Variants in KATNAL2 observed in about 807,000 individuals in gnomAD.
KATNAL2 encodes the protein katanin catalytic subunit A1 like 2.
In KATNAL2, 52 loss-of-function variants were observed where a neutral mutation model predicts 76.3. That is an observed-to-expected ratio of 0.68 (90% CI 0.55 to 0.86). The LOEUF is 0.86. Among genes scored for constraint, KATNAL2 ranks in the 40% least tolerant of loss-of-function variants. The pLI is 0.00. For missense variants in KATNAL2, 660 were observed against 668.9 expected (o/e 0.99, Z 0.15); for synonymous variants, 243 against 244.2 (o/e 1.00, Z 0.05).
At chr18:47,080,853 A>C (rs1485867788) in intron 15 of KATNAL2, among the ~76,000 whole-genome samples, 4 of 152,162 alleles carry the variant, frequency 2.6e-5, no homozygotes, top group Admixed American at 2.6e-4. Flanking sequence ...GTCTTTTCAA[A>C]TCCTTTGTCC....
intron 3 of KATNAL2, chr18:47,034,156 A>G (rs111815744): frequency 5.6e-6 from 9 of 1,613,960 alleles, no homozygotes; most frequent in African/African-American, 2.7e-5. Context: ...AGCCATATCT[A>G]CCTCCTCCAC....
intron 14 of KATNAL2, 32 bp downstream of exon 14, chr18:47,075,400 T>C (rs2062167817): frequency 7.0e-7 from 1 of 1,424,444 alleles, no homozygotes; most frequent in South Asian, 1.7e-5. Context: ...TTTGTTGTTG[T>C]TGTTTTTTGT....
intron 3 of KATNAL2, among the ~76,000 whole-genome samples, chr18:46,960,508 C>A (rs183005096): frequency 6.6e-6 from 1 of 151,430 alleles, no homozygotes; most frequent in Non-Finnish European, 1.5e-5. Context: ...TTGCTTAGAA[C>A]TGGGAGGGAA....
intron 9 of KATNAL2, 97 bp downstream of exon 9, chr18:47,063,167 G>T: frequency 6.9e-7 from 1 of 1,442,260 alleles, no homozygotes; most frequent in Non-Finnish European, 9.7e-7. Context: ...TTGAGATCAA[G>T]TTAAAGGCCA....
chr18:47,031,019 C>G (rs867208657), intron 3 of KATNAL2, among the ~76,000 whole-genome samples: 2 of 30,788 alleles, frequency 6.5e-5, no homozygotes, highest in Admixed American at 3.6e-4. Flanking sequence ...ATCTCCCCCC[C>G]CCCCCCCCGC....
intron 8 of KATNAL2, among the ~76,000 whole-genome samples, chr18:47,060,360 AG>A (rs1254312314): frequency 6.6e-6 from 1 of 152,146 alleles, no homozygotes; most frequent in Non-Finnish European, 1.5e-5. Flanking sequence ...TTCTCCTTGG[AG>A]GGATGGCTCC....
intron 4 of KATNAL2, among the ~76,000 whole-genome samples, chr18:47,051,329 G>A (rs968849381): frequency 6.6e-6 from 1 of 152,048 alleles, no homozygotes; most frequent in Admixed American, 6.5e-5. Context: ...TACTTGAAAG[G>A]CTGAGGTGGG....
At position 47,054,087 on chromosome 18, in the gene KATNAL2, G is replaced by A. The variant is rs560432954; in HGVS notation, c.290-309G>A. ...AAAATGGTGTCAAGTTCATGAAAGC[G>A]TAATGAAATGGTAGCTGTAAAGCTA... On this transcript the variant is annotated intron_variant, in intron 5 of 17. Coordinates refer to ENST00000683218, the MANE Select transcript of KATNAL2 (RefSeq NM_001387690.1). 2.4e-4 allele frequency among the ~76,000 whole-genome samples: 36 copies of A among 152,328 alleles called. No homozygotes were observed. In the East Asian group the frequency reaches 3.5e-3, roughly 15 times the overall value.
intron 3 of KATNAL2, among the ~76,000 whole-genome samples, chr18:46,948,612 G>T (rs534289870): frequency 1.3e-5 from 2 of 151,996 alleles, no homozygotes; most frequent in Non-Finnish European, 2.9e-5. Flanking sequence ...TGTTTTAGTA[G>T]AGATGGGGTT....
chr18:46,946,599 A>C, intron 2 of KATNAL2, 53 bp downstream of exon 2: 1 of 979,832 alleles, frequency 1.0e-6, no homozygotes, highest in Non-Finnish European at 1.2e-6. Context: ...GAAAACCAAA[A>C]CAATTGCAAA....
chr18:46,944,388 C>T (rs1171639405), intron 1 of KATNAL2, among the ~76,000 whole-genome samples: 2 of 152,022 alleles, frequency 1.3e-5, no homozygotes, highest in Admixed American at 1.3e-4. Flanking sequence ...AGTATTAACA[C>T]AGAGTTTACA....
chr18:47,055,682 T>A (rs575675696), intron 6 of KATNAL2, among the ~76,000 whole-genome samples: 2 of 152,252 alleles, frequency 1.3e-5, no homozygotes, highest in Non-Finnish European at 2.9e-5. Flanking sequence ...TAATAAATGA[T>A]AACTGCTTGT....
At chr18:46,926,942 A>G (rs1188812300) in intron 1 of KATNAL2, among the ~76,000 whole-genome samples, 1 of 152,032 alleles carries the variant, frequency 6.6e-6, no homozygotes, top group Non-Finnish European at 1.5e-5. Context: ...TGCTTGGTAG[A>G]TCTTCCTCCA....
chr18:46,962,355 T>C (rs1169818074), intron 3 of KATNAL2, among the ~76,000 whole-genome samples: 8 of 104,982 alleles, frequency 7.6e-5, no homozygotes, highest in Non-Finnish European at 1.1e-4. Flanking sequence ...GTCGGAGTTA[T>C]CAGTGTCAAC....
intron 1 of KATNAL2, among the ~76,000 whole-genome samples, chr18:46,937,629 G>C (rs765693243): frequency 2.6e-5 from 4 of 152,024 alleles, no homozygotes; most frequent in African/African-American, 4.8e-5. Flanking sequence ...TATCATTTCT[G>C]AGTTCTATGA....
chr18:46,920,120 G>C, intron 1 of KATNAL2: 2 of 1,287,036 alleles, frequency 1.6e-6, no homozygotes, highest in Non-Finnish European at 2.0e-6. Flanking sequence ...ATGTGTAGCA[G>C]CTCCTGGATG....
At chr18:47,033,265 G>A in intron 3 of KATNAL2, 4 of 1,613,540 alleles carry the variant, frequency 2.5e-6, no homozygotes, top group Non-Finnish European at 3.4e-6. Flanking sequence ...CCCATTTTCG[G>A]GGTCAGCGTC....
At chr18:46,943,268 C>G (rs1451321731) in intron 1 of KATNAL2, among the ~76,000 whole-genome samples, 1 of 152,084 alleles carries the variant, frequency 6.6e-6, no homozygotes, top group South Asian at 2.1e-4. Context: ...TTTTGTCAGG[C>G]ATTTGAACTA....
chr18:46,951,063 T>G (rs1438864879), intron 3 of KATNAL2, among the ~76,000 whole-genome samples: 1 of 152,154 alleles, frequency 6.6e-6, no homozygotes, highest in Non-Finnish European at 1.5e-5. Flanking sequence ...CTGAACTCCC[T>G]TCTACTTCTC....
Sources: gnomAD v4.1 joint callset for allele counts (sites outside exome capture counted in the v4.1 genomes callset) on GRCh38, gnomAD v4.1.1 for gene constraint, MANE v1.5 for transcripts, NCBI Gene and HGNC (gene_info 2026-07-23, HGNC 2026-07-21) for gene names.